The following LOC400499 variants were observed in gnomAD, a reference collection of about 807,000 sequenced individuals.
At chr16:11,501,173 G>C in the LOC400499 span, among the ~76,000 whole-genome samples, 1 of 151,632 alleles carries the variant, frequency 6.6e-6, no homozygotes, top group African/African-American at 2.4e-5. Flanking sequence ...CCCAGACCCC[G>C]GCAGCTCTAC....
At chr16:11,424,814 G>A in the LOC400499 span, among the ~76,000 whole-genome samples, 1 of 152,176 alleles carries the variant, frequency 6.6e-6, no homozygotes, top group Admixed American at 6.5e-5. Flanking sequence ...GTCCTGGCTA[G>A]GCCAGGTATC....
the LOC400499 span, chr16:11,411,398 C>G: frequency 3.5e-5 from 14 of 398,908 alleles, no homozygotes; most frequent in East Asian, 5.0e-4. Context: ...AGGGCCATGT[C>G]GAGACCAAGG....
At chr16:11,473,352 A>G in the LOC400499 span, among the ~76,000 whole-genome samples, 334 of 151,786 alleles carry the variant, frequency 2.2e-3, 1 homozygote, top group African/African-American at 7.7e-3. Flanking sequence ...TAAAAAAAAA[A>G]AAAGAAAAAA....
the LOC400499 span, among the ~76,000 whole-genome samples, chr16:11,423,544 C>T: frequency 2.0e-5 from 3 of 152,226 alleles, no homozygotes; most frequent in Admixed American, 1.3e-4. Context: ...CTGAGTCACG[C>T]AAGTCAGGGA....
chr16:11,458,540 C>T, the LOC400499 span, among the ~76,000 whole-genome samples: 2 of 151,548 alleles, frequency 1.3e-5, no homozygotes, highest in Non-Finnish European at 2.9e-5. Flanking sequence ...TATGATTCCA[C>T]GGCTCTGTGT....
chr16:11,484,868 A>C, the LOC400499 span: 1 of 398,652 alleles, frequency 2.5e-6, no homozygotes, highest in African/African-American at 2.1e-5. Flanking sequence ...GGGTGTGGCC[A>C]CCTCCCTTAC....
the LOC400499 span, chr16:11,494,674 C>T: frequency 8.6e-3 from 3,434 of 399,494 alleles, 96 homozygotes; most frequent in African/African-American, 0.063. Flanking sequence ...GGCCGCAGGG[C>T]CCGTCCAGAG....
chr16:11,476,240 C>T, the LOC400499 span, among the ~76,000 whole-genome samples: 1 of 151,850 alleles, frequency 6.6e-6, no homozygotes, highest in Non-Finnish European at 1.5e-5. Flanking sequence ...TGGAGCAGGA[C>T]AAGGGAAAGA....
the LOC400499 span, chr16:11,440,652 AC>A: frequency 2.5e-6 from 1 of 398,238 alleles, no homozygotes; most frequent in African/African-American, 2.1e-5. Flanking sequence ...GACATCTCAT[AC>A]AGGGCACCTT....
the LOC400499 span, chr16:11,487,193 G>T: frequency 5.0e-6 from 2 of 398,618 alleles, no homozygotes; most frequent in South Asian, 2.6e-4. Context: ...ACAGGTAAGT[G>T]ACTGGGATAT....
chr16:11,383,342 C>T, the LOC400499 span, among the ~76,000 whole-genome samples: 1 of 152,150 alleles, frequency 6.6e-6, no homozygotes. Context: ...GCTGGGATTA[C>T]AGGCGTGAGC....
the LOC400499 span, among the ~76,000 whole-genome samples, chr16:11,476,229 A>G: frequency 6.6e-6 from 1 of 152,116 alleles, no homozygotes; most frequent in African/African-American, 2.4e-5. Context: ...CAGAGTCCCC[A>G]TGGAGCAGGA....
the LOC400499 span, among the ~76,000 whole-genome samples, chr16:11,517,208 T>A: frequency 6.6e-6 from 1 of 152,146 alleles, no homozygotes; most frequent in Non-Finnish European, 1.5e-5. Context: ...GGTCCCTTCC[T>A]CTTTCCTAGA....
the LOC400499 span, chr16:11,460,560 C>T: frequency 6.5e-7 from 1 of 1,535,398 alleles, no homozygotes; most frequent in Non-Finnish European, 8.7e-7. Context: ...CCACTGTCTG[C>T]CCGCAGCTTC....
the LOC400499 span, among the ~76,000 whole-genome samples, chr16:11,442,705 T>C: frequency 6.6e-6 from 1 of 152,226 alleles, no homozygotes; most frequent in African/African-American, 2.4e-5. Flanking sequence ...TTTTCAATGG[T>C]AGCAATTAAT....
At chr16:11,421,434 C>G in the LOC400499 span, among the ~76,000 whole-genome samples, 2 of 151,952 alleles carry the variant, frequency 1.3e-5, no homozygotes, top group Admixed American at 6.6e-5. Context: ...CTGAGTCTTG[C>G]TCTGCCACCC....
the LOC400499 span, chr16:11,457,042 G>A: frequency 1.3e-6 from 2 of 1,515,338 alleles, no homozygotes; most frequent in South Asian, 2.5e-5. Flanking sequence ...AGCACAAACT[G>A]GAGAATGCCC....
the LOC400499 span, among the ~76,000 whole-genome samples, chr16:11,452,876 T>C: frequency 6.6e-6 from 1 of 152,226 alleles, no homozygotes; most frequent in Non-Finnish European, 1.5e-5. Context: ...TTCTAATCTT[T>C]TAGGAAGCTC....
the LOC400499 span, among the ~76,000 whole-genome samples, chr16:11,507,202 C>A: frequency 3.3e-5 from 5 of 152,296 alleles, no homozygotes; most frequent in Non-Finnish European, 7.3e-5. Context: ...GGCAGTGCAA[C>A]GGTTAGAGCA....
Sources: gnomAD v4.1 joint callset for allele counts (sites outside exome capture counted in the v4.1 genomes callset) on GRCh38, gnomAD v4.1.1 for gene constraint, MANE v1.5 for transcripts.